SLC23A2: variants seen among roughly 807,000 people sequenced by gnomAD.
SLC23A2 encodes the protein Na(+)/L-ascorbic acid transporter 2.
SLC23A2 carries 36 observed loss-of-function variants against 73.3 expected under a neutral mutation model. That is an observed-to-expected ratio of 0.49 (90% CI 0.38 to 0.65). SLC23A2 has a LOEUF of 0.65. Ranked by LOEUF, SLC23A2 falls within the 30% of genes least tolerant of loss-of-function variation. The probability of loss-of-function intolerance (pLI) is 0.00; values close to 1 mark genes in which losing one functional copy is unlikely to be tolerated. For synonymous variants in SLC23A2, 343 were observed against 327.3 expected (o/e 1.05, Z -0.52); for missense variants, 507 against 841.6 (o/e 0.60, Z 4.92).
At chr20:4,869,822 T>A in intron 12 of SLC23A2, 84 bp downstream of exon 12, 1 of 1,308,034 alleles carries the variant, frequency 7.6e-7, no homozygotes, top group Non-Finnish European at 1.1e-6. Context: ...AAACTCTTGG[T>A]TTTGTCTTCA....
chr20:4,884,832 C>T lies in SLC23A2; in HGVS notation c.572-9G>A. 2 of 1,542,262 alleles carry T rather than the reference C, an allele frequency of 1.3e-6. No individual in the cohort carries two copies. Among genetic ancestry groups the T allele is most frequent in the Non-Finnish European group, 1.7e-6 (2 of 1,145,386 alleles). The stretch of plus-strand genomic sequence containing the variant: ...ATTGGCAACTGAAACATCTTGAAAA[C>T]AAAAACAAAGTTTTTCTTGGAGTGA... On this transcript the variant is annotated splice_polypyrimidine_tract_variant and intron_variant, in intron 7 of 16. Transcript: ENST00000338244.
At position 4,867,039 on chromosome 20, in the gene SLC23A2, T is replaced by G. The variant is rs1436702641; in HGVS notation, c.1356+731A>C. On this transcript the variant is annotated intron_variant, in intron 13 of 16. Coordinates refer to ENST00000338244, the MANE Select transcript of SLC23A2 (RefSeq NM_005116.6). ...GCCCCCCATGGTCTATTCTCATCAC[T>G]GCAGTCAAAGCGATCCCTAAAAAAA... Among the ~76,000 whole-genome samples the G allele has an allele frequency of 7.7e-5, 10 of 129,974 alleles. No individual in the cohort carries two copies. In the Admixed American group the frequency reaches 9.0e-4, roughly 12 times the overall value. 85.3% of individuals were successfully genotyped at this position (129,974 alleles called of 152,430 possible). A position where few individuals can be genotyped will look rare whatever the true frequency, so the allele number is the denominator to read the frequency against.
At chr20:5,003,101 C>T (rs1317060696), upstream of SLC23A2, among the ~76,000 whole-genome samples, 1 of 152,114 alleles carries the variant, frequency 6.6e-6, no homozygotes, top group Non-Finnish European at 1.5e-5. Flanking sequence ...AACAAAGATG[C>T]GGCCGGGCGC....
In SLC23A2 at chr20:4,883,606, C is replaced by CTTTAGG. The variant is rs769092044; in HGVS notation, c.824+35_824+36insCCTAAA. On this transcript the variant is annotated intron_variant, in intron 9 of 16. Transcript: ENST00000338244. This position sits in a 1 kb window ranked among gnomAD's most constrained non-coding sequence, Gnocchi z 4.5. ...GTGTGAATGTTCCTAAAGGCTGCCC[C>CTTTAGG]GCAGTGGTGGGATGAGGGGAGATGT... The CTTTAGG allele has an allele frequency of 2.7e-6, 4 of 1,493,652 alleles. No homozygotes were observed. The highest frequency in any genetic ancestry group is 1.8e-6 in the Non-Finnish European group (2 of 1,091,244). The allele number at this position is 1,493,652 out of a possible 1,614,324, so 92.5% of individuals were successfully genotyped here.
intron 3 of SLC23A2, among the ~76,000 whole-genome samples, chr20:4,920,600 G>A (rs1033988720): frequency 1.3e-5 from 2 of 152,158 alleles, no homozygotes; most frequent in Non-Finnish European, 2.9e-5. Flanking sequence ...CTATACCATG[G>A]ATCACTTTGC....
chr20:4,920,396 T>C (rs1234032907), intron 3 of SLC23A2, among the ~76,000 whole-genome samples: 1 of 152,210 alleles, frequency 6.6e-6, no homozygotes, highest in Non-Finnish European at 1.5e-5. Flanking sequence ...GGCAATTTGG[T>C]GAGTAGCCCC....
At chr20:4,965,563 G>T (rs143015143) in intron 2 of SLC23A2, among the ~76,000 whole-genome samples, 18 of 152,238 alleles carry the variant, frequency 1.2e-4, no homozygotes, top group African/African-American at 4.3e-4. Context: ...CTTGAGCCCA[G>T]AAGTTCGAGA....
chr20:4,996,568 C>A (rs1177297878), intron 1 of SLC23A2, among the ~76,000 whole-genome samples: 1 of 151,720 alleles, frequency 6.6e-6, no homozygotes, highest in Non-Finnish European at 1.5e-5. Flanking sequence ...CACCCATAAT[C>A]CCAGCTACTT....
Position 4,899,632 on chromosome 20 carries a change from C to T in SLC23A2, c.405G>A (p.Trp135Ter), listed in dbSNP as rs778067502. The T allele has an allele frequency of 6.2e-7, 1 of 1,614,118 alleles. No homozygotes were observed. ...TGGTCCCAATGAGCTGGCTGGTGGC[C>T]CACTGGTCGTACCCCACACACATGG... ...ADAMCVGYDQ[W>*]ATSQLIGTIF... Residue 135 changes from tryptophan to a stop codon, truncating the protein, a stop_gained, in exon 6 of 17, where the codon TGG (tryptophan) becomes TGA (stop). Coordinates refer to ENST00000338244, the MANE Select transcript of SLC23A2 (RefSeq NM_005116.6). LOFTEE classifies it high-confidence loss of function. This position sits in a 1 kb window ranked among gnomAD's most constrained non-coding sequence, Gnocchi z 4.9.
chr20:4,945,485 T>G (rs897114897), intron 2 of SLC23A2, among the ~76,000 whole-genome samples: 3 of 152,070 alleles, frequency 2.0e-5, no homozygotes, highest in African/African-American at 7.2e-5. Context: ...AGGGTCTACT[T>G]GTTGCCCAGG....
intron 2 of SLC23A2, among the ~76,000 whole-genome samples, chr20:4,964,910 AG>A (rs1422265475): frequency 2.0e-5 from 3 of 150,010 alleles, no homozygotes; most frequent in Non-Finnish European, 4.5e-5. Context: ...AAAAAAAAAA[AG>A]AAAGGAAAAT....
At position 4,856,842 on chromosome 20, in the gene SLC23A2, G is replaced by T; in HGVS notation, c.*130C>A. ...CACCCTCACAGCAGAAAAGTGATTC[G>T]CAGTCTGTCTTAGCTCTGGGGCGCA... On this transcript the variant is annotated 3_prime_UTR_variant, in exon 17 of 17. Transcript: ENST00000338244. The surrounding 1 kb of genome is among the most constrained non-coding windows in gnomAD (Gnocchi z 4.6). The T allele has an allele frequency of 1.5e-6, 1 of 655,130 alleles. No individual in the cohort carries two copies. The highest frequency in any genetic ancestry group is 2.7e-6 in the Non-Finnish European group (1 of 372,710). 40.6% of individuals were successfully genotyped at this position (655,130 alleles called of 1,614,324 possible). A position where few individuals can be genotyped will look rare whatever the true frequency, so the allele number is the denominator to read the frequency against.
intron 9 of SLC23A2, among the ~76,000 whole-genome samples, chr20:4,876,994 T>C (rs1053078637): frequency 1.3e-5 from 2 of 151,760 alleles, no homozygotes; most frequent in Non-Finnish European, 1.5e-5. Context: ...AGTGACTGCT[T>C]AGCATTCTGT....
chr20:4,993,262 C>T (rs1176626328), intron 1 of SLC23A2, among the ~76,000 whole-genome samples: 1 of 147,046 alleles, frequency 6.8e-6, no homozygotes, highest in East Asian at 2.0e-4. Context: ...CCAGCCTGGG[C>T]GCGCCACTGC....
At chr20:4,921,261 A>C (rs565398673) in intron 3 of SLC23A2, among the ~76,000 whole-genome samples, 16 of 152,346 alleles carry the variant, frequency 1.1e-4, no homozygotes, top group Admixed American at 7.2e-4. Context: ...GAATTTTATA[A>C]AAGAACACTC....
intron 1 of SLC23A2, among the ~76,000 whole-genome samples, chr20:4,974,008 C>A (rs933780292): frequency 1.1e-4 from 16 of 152,264 alleles, no homozygotes; most frequent in Admixed American, 7.8e-4. Flanking sequence ...TTAACATCTA[C>A]CACTGACTCA....
chr20:4,970,550 T>C (rs753989392), intron 2 of SLC23A2, among the ~76,000 whole-genome samples: 9 of 151,782 alleles, frequency 5.9e-5, no homozygotes, highest in East Asian at 1.9e-4. Context: ...CTAGATAATA[T>C]AGTGAGACCC....
At chr20:4,942,955 G>C (rs1170037020) in intron 2 of SLC23A2, among the ~76,000 whole-genome samples, 5 of 152,000 alleles carry the variant, frequency 3.3e-5, no homozygotes, top group Non-Finnish European at 7.4e-5. Flanking sequence ...GCTGGGCACA[G>C]TGACTCCCAA....
At chr20:4,928,487 C>G (rs76476203) in intron 3 of SLC23A2, among the ~76,000 whole-genome samples, 5,064 of 152,224 alleles carry the variant, frequency 0.033, 119 homozygotes, top group South Asian at 0.069. Context: ...GGAGTTCAGA[C>G]TAAGGTTCAT....
Sources: gnomAD v4.1 joint callset for allele counts (sites outside exome capture counted in the v4.1 genomes callset) on GRCh38, gnomAD v4.1.1 for gene constraint, Gnocchi (gnomAD v3.1) non-coding constraint, MANE v1.5 for transcripts, NCBI Gene and HGNC (gene_info 2026-07-23, HGNC 2026-07-21) for gene names.